ELOA: variants seen among roughly 807,000 people sequenced by gnomAD.
ELOA encodes the protein elongin A.
A neutral mutation model predicts 85.2 loss-of-function variants in ELOA; 15 were observed. The observed-to-expected ratio is 0.18, with a 90% CI of 0.12 to 0.27. The LOEUF is 0.27. ELOA is among the 10% of genes least tolerant of loss of function. The pLI is 1.00. For synonymous variants in ELOA, 348 were observed against 357.2 expected (o/e 0.97, Z 0.29); for missense variants, 769 against 952.7 (o/e 0.81, Z 2.54).
intron 2 of ELOA, 79 bp from the exon 3 acceptor site, chr1:23,749,763 A>G: frequency 8.0e-7 from 1 of 1,256,118 alleles, no homozygotes; most frequent in South Asian, 1.4e-5. Flanking sequence ...TGAGTTTCTC[A>G]AAGTAGAAAG....
rs754084407 is a variant in ELOA, at chr1:23,751,865, G to C, written c.1260G>C (p.Lys420Asn). The change falls in exon 4 of 11, where the codon AAG becomes AAC. Residue 420 changes from lysine to asparagine, a missense_variant. By Grantham distance (94) the Lys-to-Asn change is moderately conservative. This residue lies in a region of ELOA where 193 missense variants were observed against 278.9 expected (regional missense o/e 0.69). Transcript: ENST00000613537. ...GCTATGACCAGCCCCGGAAGAAAAA[G>C]AAAAAGATTGTGAAAACTTCAGCCA... ...YLSYDQPRKK[K>N]KKIVKTSATA... 10 of 1,613,694 alleles carry C rather than the reference G, an allele frequency of 6.2e-6. No homozygotes were observed. Among genetic ancestry groups the C allele is most frequent in the Admixed American group, 1.7e-5 (1 of 59,916 alleles).
intron 9 of ELOA, among the ~76,000 whole-genome samples, chr1:23,756,637 C>T (rs1462551455): frequency 1.3e-5 from 2 of 152,246 alleles, no homozygotes; most frequent in African/African-American, 4.8e-5. Context: ...TTATGGGAAA[C>T]ATTCCCTTAT....
intron 3 of ELOA, among the ~76,000 whole-genome samples, chr1:23,750,522 A>C (rs576538031): frequency 6.6e-6 from 1 of 152,176 alleles, no homozygotes. Context: ...GCATTTTTTT[A>C]AGTTGTGAAC....
chr1:23,751,033 A>G lies in ELOA; in HGVS notation c.428A>G (p.His143Arg), dbSNP rs1366908946. Reference protein sequence around the residue: ...HRKLSELERPHKVSHGHERRD... With the variant: ...HRKLSELERPRKVSHGHERRD... ...AAACTCTCGGAGCTCGAGAGACCTCACAAAGTGTCTCACGGTCATGAGAGG... is the reference window on the plus strand; with the variant it reads ...AAACTCTCGGAGCTCGAGAGACCTCGCAAAGTGTCTCACGGTCATGAGAGG... Residue 143 changes from histidine (H) to arginine (R), a missense_variant, in exon 4 of 11, where the codon CAC becomes CGC. Around this residue, in one of 4 missense-constraint regions of ELOA, gnomAD observed 440 missense variants for 474.0 expected, o/e 0.93. Coordinates refer to ENST00000613537, the MANE Select transcript of ELOA (RefSeq NM_003198.3). 1 of 1,614,154 alleles carries G rather than the reference A, an allele frequency of 6.2e-7. No homozygotes were observed. Among genetic ancestry groups the G allele is most frequent in the Non-Finnish European group, 8.5e-7 (1 of 1,180,040 alleles).
At position 23,757,028 on chromosome 1, in the gene ELOA, G is replaced by A; in HGVS notation, c.2160G>A (p.Glu720=). 6.2e-7 allele frequency: 1 copy of A among 1,611,266 alleles called. No homozygotes were observed. The highest frequency in any genetic ancestry group is 8.5e-7 in the Non-Finnish European group (1 of 1,179,220). Residue 720 remains glutamate, a synonymous_variant, in exon 10 of 11, where the codon GAG becomes GAA. Transcript: ENST00000613537. ...GCATCAGCTTTAACCCCAGCCCTGA[G>A]GAGCCGGCCTATGATGGCCCAAGCA... ...ASSISFNPSP[E]EPAYDGPSTS...
Position 23,759,711 on chromosome 1 carries a change from T to G in ELOA, c.*138T>G. On this transcript the variant is annotated 3_prime_UTR_variant, in exon 11 of 11. Coordinates refer to ENST00000613537, the MANE Select transcript of ELOA (RefSeq NM_003198.3). ...GTCTCCGAGTCCTGCAGTCTGCAGG[T>G]GCTGCCCCTGGGAACCTGCGTGCCA... The G allele has an allele frequency of 2.1e-6, 2 of 950,010 alleles. No homozygotes were observed. Among genetic ancestry groups the G allele is most frequent in the Non-Finnish European group, 3.2e-6 (2 of 621,328 alleles). The allele number at this position is 950,010 out of a possible 1,614,324, so 58.8% of individuals were successfully genotyped here.
Position 23,759,946 on chromosome 1 carries a change from A to G in ELOA, c.*373A>G, listed in dbSNP as rs888346431. ...TTTTGTTTTTTGTCCTCTACCACAC[A>G]TTTAGCCTTTTATCTTCCAGGTCCT... On this transcript the variant is annotated 3_prime_UTR_variant, in exon 11 of 11. Coordinates refer to ENST00000613537, the MANE Select transcript of ELOA (RefSeq NM_003198.3). 8.6e-6 allele frequency: 2 copies of G among 232,698 alleles called. No individual in the cohort carries two copies. The highest frequency in any genetic ancestry group is 5.6e-5 in the South Asian group (1 of 17,958). 14.4% of individuals were successfully genotyped at this position (232,698 alleles called of 1,614,324 possible). A position where few individuals can be genotyped will look rare whatever the true frequency, so the allele number is the denominator to read the frequency against.
chr1:23,747,297 T>A (rs894779739), intron 1 of ELOA, among the ~76,000 whole-genome samples: 2 of 152,262 alleles, frequency 1.3e-5, no homozygotes, highest in African/African-American at 4.8e-5. Flanking sequence ...TGTTCTGATG[T>A]TGGATGCTTC....
rs1644773340 is a variant in ELOA at position 23,751,929 on chromosome 1, A to G, written c.1324A>G (p.Lys442Glu). The G allele has an allele frequency of 1.2e-6, 2 of 1,613,892 alleles. No homozygotes were observed. The highest frequency in any genetic ancestry group is 1.7e-6 in the Non-Finnish European group (2 of 1,180,000). The change falls in exon 4 of 11, where the codon AAA (lysine) becomes GAA (glutamate). Residue 442 changes from lysine to glutamate, a missense_variant. Physicochemically the swap from Lys to Glu is moderately conservative, Grantham distance 56. This residue lies in a region of ELOA where 193 missense variants were observed against 278.9 expected (regional missense o/e 0.69). Coordinates refer to ENST00000613537, the MANE Select transcript of ELOA (RefSeq NM_003198.3). Reference sequence around the variant, plus strand: ...TAAAGGACTTAAAAAAAATGACTCTAAAAGCACTGGTAAAAACTTGGACTC... The same window carrying G: ...TAAAGGACTTAAAAAAAATGACTCTGAAAGCACTGGTAAAAACTTGGACTC... ...GDKGLKKNDSKSTGKNLDSVQ... is the reference protein window; with the variant it reads ...GDKGLKKNDSESTGKNLDSVQ...
chr1:23,752,714 G>A (rs969774690), intron 5 of ELOA, among the ~76,000 whole-genome samples, 196 bp downstream of exon 5: 9 of 151,864 alleles, frequency 5.9e-5, no homozygotes, highest in Admixed American at 6.6e-5. Context: ...AGGCCGAGGC[G>A]GGCAGATCAC....
At position 23,743,566 on chromosome 1, in the gene ELOA, G is replaced by A. The variant is rs904640928; in HGVS notation, c.63G>A (p.Pro21=). 15 of 1,494,106 alleles carry A rather than the reference G, an allele frequency of 1.0e-5. No homozygotes were observed. The highest frequency in any genetic ancestry group is 2.2e-5 in the Admixed American group (1 of 46,080). The allele number at this position is 1,494,106 out of a possible 1,614,324, so 92.6% of individuals were successfully genotyped here. The change falls in exon 1 of 11, where the codon CCG becomes CCA. Residue 21 remains proline (P), a synonymous_variant. Transcript: ENST00000613537. ...TGCAGGCGCGCCTGGCCGCGAACCC[G>A]GACCCTAAGAAGGTAAGCGAGGGGG... is the stretch of plus-strand genomic sequence containing the variant. ...EKLQARLAAN[P]DPKKLLKYLK...
rs781408627 is a variant in ELOA at position 23,751,464 on chromosome 1, G to C, written c.859G>C (p.Asp287His). The change falls in exon 4 of 11, where the codon GAC becomes CAC. Residue 287 changes from aspartate to histidine, a missense_variant. Coordinates refer to ENST00000613537, the MANE Select transcript of ELOA (RefSeq NM_003198.3). ...KEENRRPPSG[D>H]NAREKPPSSG... Reference sequence around the variant, plus strand: ...GGAGAACCGAAGGCCACCCTCAGGGGACAATGCAAGGGAGAAACCGCCCTC... The same window carrying C: ...GGAGAACCGAAGGCCACCCTCAGGGCACAATGCAAGGGAGAAACCGCCCTC... 2 of 1,614,082 alleles carry C rather than the reference G, an allele frequency of 1.2e-6. No individual in the cohort carries two copies. The highest frequency in any genetic ancestry group is 1.7e-6 in the Non-Finnish European group (2 of 1,180,042).
chr1:23,751,015 C>T lies in ELOA; in HGVS notation c.410C>T (p.Ser137Leu), dbSNP rs572158292. The T allele has an allele frequency of 9.0e-5, 146 of 1,614,008 alleles. 1 individual carries two copies. In the South Asian group the frequency reaches 1.4e-3, roughly 16 times the overall value. Residue 137 changes from serine (S) to leucine (L), a missense_variant, in exon 4 of 11, where the codon TCG becomes TTG. Ser to Leu is a moderately radical substitution (Grantham distance 145). This residue lies in a region of ELOA where 440 missense variants were observed against 474.0 expected (regional missense o/e 0.93). Transcript: ENST00000613537. Reference sequence around the variant, plus strand: ...AGGCAGAAGAAACATAGGAAACTCTCGGAGCTCGAGAGACCTCACAAAGTG... The same window carrying T: ...AGGCAGAAGAAACATAGGAAACTCTTGGAGCTCGAGAGACCTCACAAAGTG... ...DHRQKKHRKL[S>L]ELERPHKVSH...
intron 2 of ELOA, among the ~76,000 whole-genome samples, chr1:23,749,412 G>C (rs111746501): frequency 6.6e-6 from 1 of 152,228 alleles, no homozygotes; most frequent in South Asian, 2.1e-4. Context: ...AGTTAAAGTG[G>C]TGAATATTGT....
At chr1:23,745,225 C>T (rs944334013) in intron 1 of ELOA, among the ~76,000 whole-genome samples, 1 of 152,148 alleles carries the variant, frequency 6.6e-6, no homozygotes, top group Non-Finnish European at 1.5e-5. Flanking sequence ...TACAGTAACC[C>T]CTTGTGGACA....
intron 2 of ELOA, 40 bp downstream of exon 2, chr1:23,749,117 C>A: frequency 6.6e-7 from 1 of 1,513,940 alleles, no homozygotes; most frequent in Non-Finnish European, 9.2e-7. Context: ...TAATGATATC[C>A]CATTCCCTTC....
At chr1:23,749,185 C>A in intron 2 of ELOA, 108 bp downstream of exon 2, 2 of 969,464 alleles carry the variant, frequency 2.1e-6, no homozygotes, top group Non-Finnish European at 3.2e-6. Context: ...TGAAAGAAAC[C>A]AGACACAAAA....
intron 1 of ELOA, among the ~76,000 whole-genome samples, chr1:23,744,460 T>C (rs1644738009): frequency 6.8e-6 from 1 of 145,990 alleles, no homozygotes; most frequent in African/African-American, 2.5e-5. Flanking sequence ...TTTTTTTTTC[T>C]TTTTTTTTTT....
At chr1:23,747,578 T>A (rs1353419313) in intron 1 of ELOA, among the ~76,000 whole-genome samples, 2 of 152,246 alleles carry the variant, frequency 1.3e-5, no homozygotes, top group Admixed American at 6.5e-5. Flanking sequence ...TTTCAGTGAT[T>A]TAAAATTTTC....
Sources: gnomAD v4.1 joint callset for allele counts (sites outside exome capture counted in the v4.1 genomes callset) on GRCh38, gnomAD v4.1.1 for gene constraint, gnomAD v4.1.1 regional missense constraint, MANE v1.5 for transcripts, NCBI Gene and HGNC (gene_info 2026-07-23, HGNC 2026-07-21) for gene names.